MBOAT2: variants seen among roughly 807,000 people sequenced by gnomAD.
MBOAT2 encodes membrane-bound glycerophospholipid O-acyltransferase 2.
In MBOAT2, 28 loss-of-function variants were observed where a neutral mutation model predicts 63.4. The observed-to-expected ratio is 0.44, with a 90% CI of 0.33 to 0.61. The LOEUF is 0.61. MBOAT2 is among the 20% of genes least tolerant of loss of function. The pLI is 0.03. For missense variants in MBOAT2, 470 were observed against 605.8 expected, an observed-to-expected ratio of 0.78 and a Z score of 2.35; for synonymous variants, 211 against 215.6, an observed-to-expected ratio of 0.98 and a Z score of 0.19.
At chr2:8,925,132 T>A (rs1235593284) in intron 3 of MBOAT2, among the ~76,000 whole-genome samples, 2 of 151,680 alleles carry the variant, frequency 1.3e-5, no homozygotes, top group African/African-American at 2.4e-5. Context: ...TGAAAAAAAA[T>A]GTTTGGAAAA....
At chr2:8,921,871 T>C (rs1043846110) in intron 3 of MBOAT2, among the ~76,000 whole-genome samples, 8 of 152,214 alleles carry the variant, frequency 5.3e-5, no homozygotes, top group African/African-American at 7.2e-5. Context: ...TTTATCCTAC[T>C]TGAGGTCTGT....
intron 3 of MBOAT2, among the ~76,000 whole-genome samples, chr2:8,925,167 C>A (rs1317917451): frequency 6.6e-6 from 1 of 151,980 alleles, no homozygotes; most frequent in Non-Finnish European, 1.5e-5. Context: ...CCTCTCACAC[C>A]CCAATGCCAA....
At chr2:8,978,146 A>C (rs1670952202) in intron 1 of MBOAT2, among the ~76,000 whole-genome samples, 1 of 152,028 alleles carries the variant, frequency 6.6e-6, no homozygotes, top group African/African-American at 2.4e-5. Flanking sequence ...TGAAAGACCA[A>C]GGCCCCTTCC....
intron 1 of MBOAT2, among the ~76,000 whole-genome samples, chr2:8,980,653 A>C (rs181321667): frequency 6.6e-6 from 1 of 152,280 alleles, no homozygotes; most frequent in East Asian, 1.9e-4. Context: ...CCTTTTTATA[A>C]AATATTATGC....
intron 3 of MBOAT2, among the ~76,000 whole-genome samples, chr2:8,935,134 G>C (rs747709605): frequency 6.6e-6 from 1 of 152,160 alleles, no homozygotes; most frequent in African/African-American, 2.4e-5. Context: ...GACCTGTGGA[G>C]AGCCTAAGAG....
intron 3 of MBOAT2, among the ~76,000 whole-genome samples, chr2:8,918,208 G>A (rs1000313477): frequency 2.0e-5 from 3 of 152,182 alleles, no homozygotes; most frequent in African/African-American, 7.2e-5. Flanking sequence ...TTTTAGATAA[G>A]TCGTACTTAA....
intron 1 of MBOAT2, among the ~76,000 whole-genome samples, chr2:8,988,668 C>A (rs900472698): frequency 6.6e-6 from 1 of 152,018 alleles, no homozygotes; most frequent in African/African-American, 2.4e-5. Context: ...AACAAAATAA[C>A]CCTTAGGAGC....
chr2:8,883,879 T>G (rs1663333236), intron 5 of MBOAT2, among the ~76,000 whole-genome samples: 1 of 151,858 alleles, frequency 6.6e-6, no homozygotes, highest in Non-Finnish European at 1.5e-5. Context: ...TTTTGACAAT[T>G]ATGTAAAAAG....
intron 3 of MBOAT2, among the ~76,000 whole-genome samples, chr2:8,923,902 C>T (rs771799707): frequency 5.9e-5 from 9 of 152,134 alleles, no homozygotes; most frequent in Non-Finnish European, 1.2e-4. Context: ...TATTCAATAG[C>T]TGGCAGGTGC....
chr2:8,862,656 G>A lies in MBOAT2; in HGVS notation c.1119C>T (p.His373=), dbSNP rs142879518. Residue 373 remains histidine (H), a synonymous_variant, in exon 11 of 13, where the codon CAC becomes CAT. Transcript: ENST00000305997. The surrounding 1 kb of genome is among the most constrained non-coding windows in gnomAD (Gnocchi z 4.3). ...IQTFILSAIW[H]GVYPGYYLTF... is the part of the protein sequence containing the mutation. ...TTAGATAATATCCTGGGTATACCCC[G>A]TGCCAAATGGCAGAGAGAATGAACG... The A allele has an allele frequency of 3.6e-4, 574 of 1,614,084 alleles. 1 individual carries two copies. The highest frequency in any genetic ancestry group is 4.4e-4 in the Non-Finnish European group (522 of 1,179,932).
In MBOAT2 at chr2:8,854,462, C is replaced by T. The variant is rs1323268586; in HGVS notation, c.*4217G>A. 1 of 152,192 alleles carries T rather than the reference C, an allele frequency of 6.6e-6. No individual in the cohort carries two copies. The highest frequency in any genetic ancestry group is 1.5e-5 in the Non-Finnish European group (1 of 68,036). The allele number at this position is 152,192 out of a possible 1,614,324, so 9.4% of individuals were successfully genotyped here. ...TATATTAAATTTCAGCCAGGAAGAA[C>T]TATTAACGCCTGGATAAAACTCCAC... On this transcript the variant is annotated 3_prime_UTR_variant, in exon 13 of 13. Transcript: ENST00000305997.
At chr2:8,978,477 C>G (rs1670982755) in intron 1 of MBOAT2, among the ~76,000 whole-genome samples, 1 of 152,116 alleles carries the variant, frequency 6.6e-6, no homozygotes. Context: ...TATCTGTTCA[C>G]TCATTCATTC....
At chr2:8,978,768 A>G (rs1220223417) in intron 1 of MBOAT2, among the ~76,000 whole-genome samples, 2 of 152,114 alleles carry the variant, frequency 1.3e-5, no homozygotes, top group African/African-American at 4.8e-5. Context: ...ACCATGGCAC[A>G]CGTATACCTA....
At chr2:8,980,958 C>A (rs1471603044) in intron 1 of MBOAT2, among the ~76,000 whole-genome samples, 1 of 152,122 alleles carries the variant, frequency 6.6e-6, no homozygotes, top group Non-Finnish European at 1.5e-5. Flanking sequence ...CCCTAAATGT[C>A]CATCAACAGA....
intron 6 of MBOAT2, 95 bp from the exon 7 acceptor site, chr2:8,877,308 G>T: frequency 8.4e-7 from 1 of 1,184,378 alleles, no homozygotes; most frequent in Non-Finnish European, 1.2e-6. Context: ...CATTTCCAAA[G>T]TAAAACAAGC....
At chr2:8,996,954 T>G (rs767282645) in intron 1 of MBOAT2, among the ~76,000 whole-genome samples, 5 of 152,134 alleles carry the variant, frequency 3.3e-5, no homozygotes, top group African/African-American at 1.2e-4. Flanking sequence ...AAAAGATTCG[T>G]GTGCAAGGTG....
intron 2 of MBOAT2, among the ~76,000 whole-genome samples, chr2:8,944,715 T>C (rs772114614): frequency 2.0e-5 from 3 of 150,850 alleles, no homozygotes; most frequent in Non-Finnish European, 4.4e-5. Context: ...TTTAATACCA[T>C]TATAATCAGA....
intron 2 of MBOAT2, among the ~76,000 whole-genome samples, chr2:8,952,804 T>TG (rs1246543545): frequency 6.6e-6 from 1 of 152,062 alleles, no homozygotes; most frequent in Admixed American, 6.6e-5. Context: ...CCTCTGCTTT[T>TG]GTTTTTTCCA....
At chr2:8,932,755 G>GAA (rs756045378) in intron 3 of MBOAT2, among the ~76,000 whole-genome samples, 1 of 130,802 alleles carries the variant, frequency 7.6e-6, no homozygotes, top group African/African-American at 2.8e-5. Flanking sequence ...GTATTTAGGA[G>GAA]AAAAAAAAAA....
Sources: allele counts gnomAD v4.1 joint callset (sites outside exome capture counted in the v4.1 genomes callset), GRCh38; gene constraint gnomAD v4.1.1; non-coding constraint Gnocchi (gnomAD v3.1); transcripts MANE v1.5; gene names NCBI Gene and HGNC (gene_info 2026-07-23, HGNC 2026-07-21).